MCC: variants seen among roughly 807,000 people sequenced by gnomAD.
MCC encodes the protein colorectal mutant cancer protein.
Under a neutral mutation model 116.2 loss-of-function variants are expected in MCC, and 90 were observed. That is an observed-to-expected ratio of 0.77 (90% confidence interval 0.65 to 0.92). The LOEUF (loss-of-function observed/expected upper bound fraction) is 0.92. Among genes scored for constraint, MCC ranks in the 40% least tolerant of loss-of-function variants. The probability of loss-of-function intolerance (pLI) is 0.00; values close to 1 mark genes in which losing one functional copy is unlikely to be tolerated. For missense variants in MCC, 1,516 were observed against 1,312.2 expected (o/e 1.16, Z -2.40); for synonymous variants, 578 against 510.5 (o/e 1.13, Z -1.78).
rs562764769 is a variant in MCC at position 113,485,108 on chromosome 5, C to CT, written c.170+3136dup. On this transcript the variant is annotated intron_variant, in intron 1 of 18. Coordinates refer to ENST00000408903, the MANE Select transcript of MCC (RefSeq NM_001085377.2). ...TTCCAAGAATCTAGTTAGCTGATGC[C>CT]TTTTTTGTCAGCCTGATAGGAAGAC... Among the ~76,000 whole-genome samples, 47 of 152,220 alleles carry CT rather than the reference C, an allele frequency of 3.1e-4. 1 individual carries two copies. The East Asian group carries it at 8.9e-3, about 29-fold the overall frequency.
rs148440142 is a variant in MCC at position 113,024,448 on chromosome 5, A to G, written c.*2854T>C. Reference sequence around the variant, plus strand: ...AGTTGGTTTTGTTTGCCTCAGTCCAACAATGGGAAATATATTCCAAGGGAA... The same window carrying G: ...AGTTGGTTTTGTTTGCCTCAGTCCAGCAATGGGAAATATATTCCAAGGGAA... On this transcript the variant is annotated 3_prime_UTR_variant, in exon 19 of 19. Transcript: ENST00000408903. 3.4e-3 allele frequency: 520 copies of G among 152,314 alleles called. 7 individuals carry two copies. The highest frequency in any genetic ancestry group is 9.8e-3 in the South Asian group (47 of 4,820). The allele number at this position is 152,314 out of a possible 1,614,324, so 9.4% of individuals were successfully genotyped here.
intron 3 of MCC, among the ~76,000 whole-genome samples, chr5:113,224,887 G>A (rs1436036196): frequency 6.6e-6 from 1 of 152,172 alleles, no homozygotes; most frequent in African/African-American, 2.4e-5. Flanking sequence ...ATTACATAGG[G>A]CAGACAGGCT....
intron 1 of MCC, among the ~76,000 whole-genome samples, chr5:113,403,491 G>T (rs902240776): frequency 3.3e-5 from 5 of 152,148 alleles, no homozygotes; most frequent in Non-Finnish European, 5.9e-5. Context: ...AACAAAAGGG[G>T]CTCTTCATGT....
intron 11 of MCC, among the ~76,000 whole-genome samples, chr5:113,079,503 GCA>G (rs1361654303): frequency 2.4e-4 from 37 of 152,124 alleles, no homozygotes; most frequent in African/African-American, 8.4e-4. Flanking sequence ...AAATAATACC[GCA>G]CATCTACAAC....
chr5:113,337,488 C>T (rs867164455), intron 3 of MCC, among the ~76,000 whole-genome samples: 6 of 152,158 alleles, frequency 3.9e-5, no homozygotes, highest in Non-Finnish European at 7.4e-5. Flanking sequence ...GGAGGGCCCT[C>T]TTCCAAATTT....
At chr5:113,472,676 T>C (rs1772125493) in intron 1 of MCC, among the ~76,000 whole-genome samples, 1 of 152,220 alleles carries the variant, frequency 6.6e-6, no homozygotes, top group Non-Finnish European at 1.5e-5. Context: ...TTATTCCTTT[T>C]AGAGAAGCTA....
chr5:113,074,492 A>T (rs1449203135), intron 11 of MCC, among the ~76,000 whole-genome samples: 1 of 152,244 alleles, frequency 6.6e-6, no homozygotes, highest in African/African-American at 2.4e-5. Flanking sequence ...CCAAAGGAAG[A>T]CAGCTCCTCG....
chr5:113,452,712 G>C (rs936605553), intron 1 of MCC, among the ~76,000 whole-genome samples: 2 of 152,216 alleles, frequency 1.3e-5, no homozygotes, highest in African/African-American at 4.8e-5. Context: ...GAAGGGCATA[G>C]TTGGAACTCA....
chr5:113,410,055 G>A (rs529034037), intron 1 of MCC, among the ~76,000 whole-genome samples: 3 of 152,132 alleles, frequency 2.0e-5, no homozygotes, highest in East Asian at 1.9e-4. Flanking sequence ...TCTATGTAAC[G>A]GAATTTATTT....
chr5:113,099,113 C>G (rs961375115), intron 8 of MCC, among the ~76,000 whole-genome samples: 4 of 56,454 alleles, frequency 7.1e-5, no homozygotes, highest in Non-Finnish European at 1.5e-4. Flanking sequence ...ATCTAGTACA[C>G]TTTTTGAGAT....
chr5:113,447,722 T>A (rs1771262879), intron 1 of MCC, among the ~76,000 whole-genome samples: 1 of 152,112 alleles, frequency 6.6e-6, no homozygotes, highest in East Asian at 1.9e-4. Context: ...CCTCCCTACA[T>A]TCTCTCTCTC....
chr5:113,218,478 A>C (rs1216971427), intron 3 of MCC, among the ~76,000 whole-genome samples: 1 of 152,208 alleles, frequency 6.6e-6, no homozygotes, highest in African/African-American at 2.4e-5. Context: ...AAGGTGGGTC[A>C]GAATAATCAG....
At chr5:113,301,287 G>A (rs960964164) in intron 3 of MCC, among the ~76,000 whole-genome samples, 3 of 152,158 alleles carry the variant, frequency 2.0e-5, no homozygotes, top group African/African-American at 7.2e-5. Context: ...CCAACATGGA[G>A]AAACCCCATC....
At chr5:113,318,647 A>G (rs1767346653) in intron 3 of MCC, among the ~76,000 whole-genome samples, 1 of 151,984 alleles carries the variant, frequency 6.6e-6, no homozygotes, top group Non-Finnish European at 1.5e-5. Context: ...ATATGAATAC[A>G]TAGAGGGGAA....
chr5:113,325,604 C>T (rs996638704), intron 3 of MCC, among the ~76,000 whole-genome samples: 2 of 151,806 alleles, frequency 1.3e-5, no homozygotes, highest in Non-Finnish European at 1.5e-5. Context: ...ACTTCAGTCT[C>T]GGTGGTAATC....
chr5:113,132,401 T>C (rs140942815), intron 5 of MCC, among the ~76,000 whole-genome samples: 6,528 of 53,310 alleles, frequency 0.12, 355 homozygotes, highest in African/African-American at 0.18. Flanking sequence ...TATATATACA[T>C]ACATACATAT....
At chr5:113,318,733 T>C (rs1767348366) in intron 3 of MCC, among the ~76,000 whole-genome samples, 1 of 152,092 alleles carries the variant, frequency 6.6e-6, no homozygotes, top group Admixed American at 6.6e-5. Context: ...TAATGAGTAC[T>C]AGGCTTAATA....
intron 5 of MCC, among the ~76,000 whole-genome samples, chr5:113,137,314 G>A (rs1210443903): frequency 6.6e-6 from 1 of 152,146 alleles, no homozygotes; most frequent in East Asian, 1.9e-4. Context: ...CCCTCAATAT[G>A]TGGGTATTAC....
chr5:113,139,289 A>C (rs1002390397), intron 5 of MCC, among the ~76,000 whole-genome samples: 45 of 152,292 alleles, frequency 3.0e-4, no homozygotes, highest in African/African-American at 1.1e-3. Flanking sequence ...AACATAATTT[A>C]ATGCAGAGTC....
Sources: allele counts gnomAD v4.1 joint callset (sites outside exome capture counted in the v4.1 genomes callset), GRCh38; gene constraint gnomAD v4.1.1; transcripts MANE v1.5; gene names NCBI Gene and HGNC (gene_info 2026-07-23, HGNC 2026-07-21).